PGR: variants seen among roughly 807,000 people sequenced by gnomAD.
PGR encodes progesterone receptor.
Under a neutral mutation model 76.1 loss-of-function variants are expected in PGR, and 25 were observed. The ratio of observed to expected loss-of-function variants is 0.33; its 90% CI spans 0.24 to 0.46. The LOEUF (loss-of-function observed/expected upper bound fraction) is 0.46. Ranked by LOEUF, PGR falls within the 20% of genes least tolerant of loss-of-function variation. The pLI, the probability that PGR is intolerant of heterozygous loss-of-function variation, is 1.00. For synonymous variants in PGR, 579 were observed against 535.0 expected (o/e 1.08, Z -1.14); for missense variants, 1,172 against 1,225.3 (o/e 0.96, Z 0.65).
At chr11:101,116,942 T>C (rs1222385231) in intron 2 of PGR, among the ~76,000 whole-genome samples, 1 of 152,148 alleles carries the variant, frequency 6.6e-6, no homozygotes. Context: ...TTGACATCTG[T>C]AGTATAGACA....
rs765369193 is a variant in PGR, at chr11:101,128,324, A to G, written c.747T>C (p.Ala249=). Residue 249 remains alanine (A), a synonymous_variant, in exon 1 of 8, where the codon GCT becomes GCC. Coordinates refer to ENST00000325455, the MANE Select transcript of PGR (RefSeq NM_000926.4). Reference sequence around the variant, plus strand: ...GCGGGACAGCCGCGGCTCCTCCTCCAGCCGCCGCGCCACCCAGAGCCCGAG... The same window carrying G: ...GCGGGACAGCCGCGGCTCCTCCTCCGGCCGCCGCGCCACCCAGAGCCCGAG... ...GKPRALGGAA[A]GGGAAAVPPG... 15 of 1,595,794 alleles carry G rather than the reference A, an allele frequency of 9.4e-6. No homozygotes were observed. The highest frequency in any genetic ancestry group is 1.3e-5 in the Non-Finnish European group (15 of 1,176,956).
At position 101,051,583 on chromosome 11, in the gene PGR, T is replaced by A. The variant is rs2135394292; in HGVS notation, c.2213-15A>T. On this transcript the variant is annotated splice_polypyrimidine_tract_variant and intron_variant, in intron 4 of 7. Coordinates refer to ENST00000325455, the MANE Select transcript of PGR (RefSeq NM_000926.4). ...GTTTCGAAAACCTACAAAACAAATT[T>A]AAAAATACAGTGACCATAAAAATGA... 1 of 1,576,256 alleles carries A rather than the reference T, an allele frequency of 6.3e-7. No individual in the cohort carries two copies.
At chr11:101,078,898 TA>T (rs1421618208) in intron 3 of PGR, among the ~76,000 whole-genome samples, 1 of 152,152 alleles carries the variant, frequency 6.6e-6, no homozygotes, top group African/African-American at 2.4e-5. Flanking sequence ...TGAGAATTCT[TA>T]ACCATAACAG....
At chr11:101,111,735 T>C (rs1435951458) in intron 2 of PGR, among the ~76,000 whole-genome samples, 1 of 152,122 alleles carries the variant, frequency 6.6e-6, no homozygotes, top group Non-Finnish European at 1.5e-5. Flanking sequence ...GAGCCAACTT[T>C]GGGATGTGTT....
chr11:101,104,080 T>C (rs866925827), intron 2 of PGR, among the ~76,000 whole-genome samples: 13 of 152,334 alleles, frequency 8.5e-5, no homozygotes, highest in African/African-American at 3.1e-4. Context: ...AATAAACAAA[T>C]ATTTCTTGAA....
chr11:101,053,914 G>C (rs78182814), intron 4 of PGR, among the ~76,000 whole-genome samples: 2,580 of 152,166 alleles, frequency 0.017, 68 homozygotes, highest in African/African-American at 0.059. Flanking sequence ...CACGGAGAAA[G>C]CTGGGTAAAC....
intron 3 of PGR, among the ~76,000 whole-genome samples, chr11:101,077,702 C>T (rs1861173092): frequency 6.6e-6 from 1 of 152,018 alleles, no homozygotes; most frequent in African/African-American, 2.4e-5. Context: ...GAGGACCATC[C>T]CCAGCTAGCA....
At chr11:101,113,492 G>A (rs1185894271) in intron 2 of PGR, among the ~76,000 whole-genome samples, 2 of 151,360 alleles carry the variant, frequency 1.3e-5, no homozygotes, top group African/African-American at 2.4e-5. Flanking sequence ...GGATGGTCAC[G>A]ATCTCCTGAC....
At chr11:101,066,560 T>C (rs1860724508) in intron 3 of PGR, among the ~76,000 whole-genome samples, 1 of 152,188 alleles carries the variant, frequency 6.6e-6, no homozygotes, top group Admixed American at 6.6e-5. Context: ...ACCCAGCTTT[T>C]CCAAGAAACT....
Position 101,127,980 on chromosome 11 carries a change from G to A in PGR, c.1091C>T (p.Pro364Leu), listed in dbSNP as rs1862932794. ...GTCGTCCTTGGGCTCGGCGTCGGGC[G>A]GGTACGCGCAGTCGGGGAAGTCGCC... ...AVGDFPDCAY[P>L]PDAEPKDDAY... is the part of the protein sequence containing the mutation. The change falls in exon 1 of 8, where the codon CCG (proline) becomes CTG (leucine). Residue 364 changes from proline to leucine, a missense_variant. Pro to Leu is a moderately conservative substitution (Grantham distance 98). Transcript: ENST00000325455. 1 of 1,612,038 alleles carries A rather than the reference G, an allele frequency of 6.2e-7. No homozygotes were observed. The highest frequency in any genetic ancestry group is 8.5e-7 in the Non-Finnish European group (1 of 1,179,864).
At chr11:101,126,249 A>G in intron 1 of PGR, 91 bp from the exon 2 acceptor site, 1 of 1,245,890 alleles carries the variant, frequency 8.0e-7, no homozygotes. Flanking sequence ...ACAGGGTGAA[A>G]GGAGATTTTA....
intron 2 of PGR, among the ~76,000 whole-genome samples, chr11:101,125,504 T>C (rs1429315726): frequency 6.6e-6 from 1 of 152,220 alleles, no homozygotes; most frequent in Non-Finnish European, 1.5e-5. Context: ...AAATATTACA[T>C]AAATATTCAT....
At chr11:101,101,463 A>G (rs1233156028) in intron 2 of PGR, among the ~76,000 whole-genome samples, 1 of 152,204 alleles carries the variant, frequency 6.6e-6, no homozygotes, top group Non-Finnish European at 1.5e-5. Flanking sequence ...AGAGAGAGAG[A>G]ACTATTAAAA....
rs1859531570 is a variant in PGR at position 101,036,801 on chromosome 11, T to G, written c.*2315A>C. On this transcript the variant is annotated 3_prime_UTR_variant, in exon 8 of 8. Transcript: ENST00000325455. ...TCATAGTTGAGTGAAATTAGAAAAT[T>G]TTAAAGTTATTATGGAAATTAAATA... The G allele has an allele frequency of 5.2e-6, 1 of 192,154 alleles. No homozygotes were observed. Among genetic ancestry groups the G allele is most frequent in the Non-Finnish European group, 1.1e-5 (1 of 91,814 alleles). The allele number at this position is 192,154 out of a possible 1,614,324, so 11.9% of individuals were successfully genotyped here. A position where few individuals can be genotyped will look rare whatever the true frequency, so the allele number is the denominator to read the frequency against.
chr11:101,081,392 G>GAAAAC (rs570889175), intron 3 of PGR, among the ~76,000 whole-genome samples: 70 of 151,410 alleles, frequency 4.6e-4, no homozygotes, highest in Non-Finnish European at 7.8e-4. Flanking sequence ...TCTCACCACT[G>GAAAAC]CACTCCAGCC....
In PGR at chr11:101,127,544, G is replaced by C. The variant is rs1316436743; in HGVS notation, c.1527C>G (p.Pro509=). 3 of 1,419,466 alleles carry C rather than the reference G, an allele frequency of 2.1e-6. No homozygotes were observed. The highest frequency in any genetic ancestry group is 2.3e-4 in the Middle Eastern group (1 of 4,396). 87.9% of individuals were successfully genotyped at this position (1,419,466 alleles called of 1,614,324 possible). ...TGAGGCCGAGTGCAGGGTAGAGCGC[G>C]GGGGCCGCCCCGGCGGCGGCGGCAG... The part of the protein sequence containing the change: ...SASAAAAGAA[P]ALYPALGLNG... Residue 509 remains proline, a synonymous_variant, in exon 1 of 8, where the codon CCC becomes CCG. Transcript: ENST00000325455.
chr11:101,107,762 T>G (rs1454100554), intron 2 of PGR, among the ~76,000 whole-genome samples: 1 of 151,940 alleles, frequency 6.6e-6, no homozygotes, highest in Non-Finnish European at 1.5e-5. Flanking sequence ...ATCAATGTGT[T>G]CAACTTCATT....
At chr11:101,123,891 A>C (rs1244698391) in intron 2 of PGR, among the ~76,000 whole-genome samples, 4 of 152,214 alleles carry the variant, frequency 2.6e-5, no homozygotes, top group Admixed American at 2.6e-4. Flanking sequence ...TTGAAAGTAG[A>C]AATGTCAATG....
chr11:101,110,988 A>G (rs1862325786), intron 2 of PGR, among the ~76,000 whole-genome samples: 1 of 152,198 alleles, frequency 6.6e-6, no homozygotes, highest in Admixed American at 6.5e-5. Context: ...TACATTGTTT[A>G]TTTAGACATA....
Sources: allele counts gnomAD v4.1 joint callset (sites outside exome capture counted in the v4.1 genomes callset), GRCh38; gene constraint gnomAD v4.1.1; transcripts MANE v1.5; gene names NCBI Gene and HGNC (gene_info 2026-07-23, HGNC 2026-07-21).